NTNG1: variants seen among roughly 807,000 people sequenced by gnomAD.
NTNG1 encodes netrin-G1.
Under a neutral mutation model 54.0 loss-of-function variants are expected in NTNG1, and 16 were observed. The observed-to-expected ratio is 0.30, with a 90% CI of 0.20 to 0.45. The LOEUF is 0.45. Among genes scored for constraint, NTNG1 ranks in the 20% least tolerant of loss-of-function variants. NTNG1 has a pLI of 1.00. For missense variants in NTNG1, 530 were observed against 678.7 expected (o/e 0.78, Z 2.43); for synonymous variants, 255 against 263.1 (o/e 0.97, Z 0.30).
chr1:107,285,645 T>G (rs1474276854), intron 2 of NTNG1, among the ~76,000 whole-genome samples: 2 of 152,152 alleles, frequency 1.3e-5, no homozygotes, highest in African/African-American at 4.8e-5. Context: ...ACTCTAAAGC[T>G]TATTAAAAAT....
chr1:107,306,338 A>G (rs1470282029), intron 2 of NTNG1, among the ~76,000 whole-genome samples: 1 of 152,164 alleles, frequency 6.6e-6, no homozygotes, highest in Non-Finnish European at 1.5e-5. Context: ...TCCAATGTGT[A>G]ATTTATACTT....
At chr1:107,141,946 A>G (rs1310950243) in intron 1 of NTNG1, among the ~76,000 whole-genome samples, 1 of 152,192 alleles carries the variant, frequency 6.6e-6, no homozygotes, top group Admixed American at 6.5e-5. Flanking sequence ...TGGTGGCCAC[A>G]TCGAGAGCTT....
rs140377782 is a variant in NTNG1, at chr1:107,261,513, C to A, written c.247-62769C>A. Among the ~76,000 whole-genome samples, 254 of 152,088 alleles carry A rather than the reference C, an allele frequency of 1.7e-3. 1 individual carries two copies. Among genetic ancestry groups the A allele is most frequent in the African/African-American group, 5.4e-3 (224 of 41,516 alleles). The stretch of plus-strand genomic sequence containing the variant: ...TTATAATTAATATTTTACTTTCAAG[C>A]CTGTTGTTGATTTTAGAAGATAAAT... On this transcript the variant is annotated intron_variant, in intron 2 of 7. Coordinates refer to ENST00000370068, the MANE Select transcript of NTNG1 (RefSeq NM_001113226.3).
In NTNG1 at chr1:107,483,276, C is replaced by T. The variant is rs1279599724; in HGVS notation, c.*2436C>T. 6.6e-6 allele frequency: 1 copy of T among 152,172 alleles called. No individual in the cohort carries two copies. Among genetic ancestry groups the T allele is most frequent in the Non-Finnish European group, 1.5e-5 (1 of 68,030 alleles). The allele number at this position is 152,172 out of a possible 1,614,324, so 9.4% of individuals were successfully genotyped here. A position where few individuals can be genotyped will look rare whatever the true frequency, so the allele number is the denominator to read the frequency against. The stretch of plus-strand genomic sequence containing the variant: ...ACTGCACACTTCAATAGTTGGGATT[C>T]CAAAAGCTAATTCTAAAATTTAATG... On this transcript the variant is annotated 3_prime_UTR_variant, in exon 8 of 8. Transcript: ENST00000370068.
intron 3 of NTNG1, among the ~76,000 whole-genome samples, chr1:107,352,062 A>G (rs1332265074): frequency 1.3e-5 from 2 of 152,356 alleles, no homozygotes; most frequent in East Asian, 3.9e-4. Context: ...GGGCAGCTCC[A>G]TCTTTGTGGC....
chr1:107,459,045 T>TA (rs1472318519), intron 7 of NTNG1, among the ~76,000 whole-genome samples: 2 of 152,198 alleles, frequency 1.3e-5, no homozygotes, highest in African/African-American at 4.8e-5. Context: ...ATTTTATTTT[T>TA]ATCATTATCT....
intron 2 of NTNG1, among the ~76,000 whole-genome samples, chr1:107,190,417 AT>A (rs1022401379): frequency 6.6e-6 from 1 of 151,980 alleles, no homozygotes; most frequent in Non-Finnish European, 1.5e-5. Flanking sequence ...TTGTACCATC[AT>A]TTTTTTAAAA....
chr1:107,441,132 C>T (rs1675938263), intron 7 of NTNG1, among the ~76,000 whole-genome samples: 1 of 152,056 alleles, frequency 6.6e-6, no homozygotes. Flanking sequence ...TAGGAAGCAG[C>T]ATTCCATGCT....
chr1:107,223,298 A>G (rs1660472081), intron 2 of NTNG1, among the ~76,000 whole-genome samples: 1 of 151,928 alleles, frequency 6.6e-6, no homozygotes, highest in African/African-American at 2.4e-5. Flanking sequence ...TATATAAGGA[A>G]AGGAAGTAAA....
intron 3 of NTNG1, among the ~76,000 whole-genome samples, chr1:107,392,495 C>T (rs962155399): frequency 6.6e-6 from 1 of 151,902 alleles, no homozygotes; most frequent in African/African-American, 2.4e-5. Context: ...TTCCTGAAAA[C>T]GAGCTTGGGT....
At chr1:107,433,642 T>C (rs866664565) in intron 6 of NTNG1, among the ~76,000 whole-genome samples, 1 of 152,152 alleles carries the variant, frequency 6.6e-6, no homozygotes, top group African/African-American at 2.4e-5. Flanking sequence ...AAGAAGAAAA[T>C]TGTGTTTCAA....
chr1:107,461,605 C>T (rs1393225172), intron 7 of NTNG1, among the ~76,000 whole-genome samples: 1 of 151,406 alleles, frequency 6.6e-6, no homozygotes, highest in African/African-American at 2.4e-5. Context: ...ACAGTCTCGG[C>T]TCACTGCAAC....
chr1:107,297,416 A>T (rs1666048967), intron 2 of NTNG1, among the ~76,000 whole-genome samples: 1 of 151,870 alleles, frequency 6.6e-6, no homozygotes, highest in African/African-American at 2.4e-5. Flanking sequence ...AAGTTGGGTC[A>T]TAGGTGCATA....
intron 2 of NTNG1, among the ~76,000 whole-genome samples, chr1:107,156,418 C>A (rs1238700429): frequency 1.3e-5 from 2 of 151,998 alleles, no homozygotes; most frequent in Admixed American, 6.6e-5. Context: ...AAAGGCTATC[C>A]TGATATATGT....
intron 2 of NTNG1, among the ~76,000 whole-genome samples, chr1:107,226,064 A>T (rs889573766): frequency 1.3e-5 from 2 of 152,202 alleles, no homozygotes; most frequent in Admixed American, 6.6e-5. Context: ...AAAAAGATTA[A>T]GTATCTTGCC....
At chr1:107,265,071 G>C (rs530444973) in intron 2 of NTNG1, among the ~76,000 whole-genome samples, 2 of 152,296 alleles carry the variant, frequency 1.3e-5, no homozygotes, top group East Asian at 3.9e-4. Context: ...GCAGATGAAT[G>C]AAAGTAGCAT....
At chr1:107,187,876 G>A (rs1657583055) in intron 2 of NTNG1, among the ~76,000 whole-genome samples, 1 of 152,184 alleles carries the variant, frequency 6.6e-6, no homozygotes, top group South Asian at 2.1e-4. Context: ...AGTGAAAAGA[G>A]GAAAGGGGAA....
At chr1:107,161,262 C>T (rs1000078443) in intron 2 of NTNG1, among the ~76,000 whole-genome samples, 1 of 152,140 alleles carries the variant, frequency 6.6e-6, no homozygotes, top group African/African-American at 2.4e-5. Flanking sequence ...GGGGTATTGG[C>T]TGTGCTGGAG....
intron 2 of NTNG1, among the ~76,000 whole-genome samples, chr1:107,178,015 C>T (rs755704728): frequency 2.0e-4 from 30 of 152,138 alleles, no homozygotes; most frequent in South Asian, 2.1e-4. Flanking sequence ...CTTCCATATC[C>T]TACCTGCTGT....
Sources: gnomAD v4.1 joint callset for allele counts (sites outside exome capture counted in the v4.1 genomes callset) on GRCh38, gnomAD v4.1.1 for gene constraint, MANE v1.5 for transcripts, NCBI Gene and HGNC (gene_info 2026-07-23, HGNC 2026-07-21) for gene names.